STEAP1B: variants seen among roughly 807,000 people sequenced by gnomAD.
STEAP1B encodes STEAP family member 1B, also known as STEAP family protein MGC87042.
Under a neutral mutation model 27.9 loss-of-function variants are expected in STEAP1B, and 13 were observed. That is an observed-to-expected ratio of 0.47 (90% CI 0.30 to 0.74). The LOEUF is 0.74. Ranked by LOEUF, STEAP1B falls within the 30% of genes least tolerant of loss-of-function variation. The pLI is 0.06. For synonymous variants in STEAP1B, 86 were observed against 107.1 expected, an observed-to-expected ratio of 0.80 and a Z score of 1.22; for missense variants, 250 against 298.7, an observed-to-expected ratio of 0.84 and a Z score of 1.20.
At chr7:22,489,203 T>C (rs1459912141) in intron 4 of STEAP1B, among the ~76,000 whole-genome samples, 1 of 152,142 alleles carries the variant, frequency 6.6e-6, no homozygotes, top group Non-Finnish European at 1.5e-5. Context: ...GAGTCCTCAT[T>C]TACCTGGTAC....
intron 4 of STEAP1B, among the ~76,000 whole-genome samples, chr7:22,432,125 C>A (rs1785194938): frequency 6.6e-6 from 1 of 152,126 alleles, no homozygotes. Context: ...AGACCCCTCA[C>A]CCCTTCTGCC....
At chr7:22,456,970 A>ATTTTTTTTTTTTTTTTTT (rs1457986338) in intron 4 of STEAP1B, among the ~76,000 whole-genome samples, 2 of 26,160 alleles carry the variant, frequency 7.6e-5, no homozygotes, top group Non-Finnish European at 8.6e-5. Flanking sequence ...ATATATATAT[A>ATTTTTTTTTTTTTTTTTT]TATTTTTTTT....
chr7:22,429,332 T>C (rs1240012512), intron 4 of STEAP1B, among the ~76,000 whole-genome samples: 3 of 152,188 alleles, frequency 2.0e-5, no homozygotes, highest in South Asian at 2.1e-4. Flanking sequence ...GGAGATCACA[T>C]TTCACTGAAA....
At chr7:22,449,738 T>C (rs62447135) in intron 4 of STEAP1B, among the ~76,000 whole-genome samples, 4,511 of 152,324 alleles carry the variant, frequency 0.03, 93 homozygotes, top group Admixed American at 0.043. Flanking sequence ...TTCATAGTGG[T>C]TGTACTAATT....
chr7:22,437,871 T>C (rs1330578367), intron 4 of STEAP1B, among the ~76,000 whole-genome samples: 1 of 152,228 alleles, frequency 6.6e-6, no homozygotes, highest in Non-Finnish European at 1.5e-5. Flanking sequence ...TTATTGAGCA[T>C]ATTTTCATAT....
At chr7:22,449,439 C>T (rs574605849) in intron 4 of STEAP1B, among the ~76,000 whole-genome samples, 2 of 152,296 alleles carry the variant, frequency 1.3e-5, no homozygotes, top group South Asian at 2.1e-4. Flanking sequence ...ATATAATGAT[C>T]TCCAGTTACA....
intron 4 of STEAP1B, among the ~76,000 whole-genome samples, chr7:22,444,372 A>G (rs1282577103): frequency 6.6e-6 from 1 of 152,022 alleles, no homozygotes; most frequent in African/African-American, 2.4e-5. Flanking sequence ...CGTTACCCTG[A>G]CTTCAATCAC....
intron 4 of STEAP1B, among the ~76,000 whole-genome samples, chr7:22,459,680 T>A (rs1481273234): frequency 1.3e-5 from 2 of 152,234 alleles, no homozygotes; most frequent in Non-Finnish European, 2.9e-5. Context: ...GCCAGTATTA[T>A]GTTGGGCCAT....
chr7:22,472,370 G>A (rs1030471606), intron 4 of STEAP1B, among the ~76,000 whole-genome samples: 1 of 152,140 alleles, frequency 6.6e-6, no homozygotes, highest in Non-Finnish European at 1.5e-5. Flanking sequence ...AAGGCAGGCC[G>A]GACACTCCTT....
chr7:22,481,598 C>T (rs1193948205), intron 4 of STEAP1B, among the ~76,000 whole-genome samples: 1 of 152,188 alleles, frequency 6.6e-6, no homozygotes, highest in Non-Finnish European at 1.5e-5. Context: ...TTGGTTTGCA[C>T]ATTAGAGTTT....
intron 4 of STEAP1B, among the ~76,000 whole-genome samples, chr7:22,468,268 T>C (rs1785820324): frequency 6.6e-6 from 1 of 152,162 alleles, no homozygotes; most frequent in Non-Finnish European, 1.5e-5. Flanking sequence ...CTGAGTGCTT[T>C]ACACATATTG....
At chr7:22,455,835 C>T (rs1283885740) in intron 4 of STEAP1B, among the ~76,000 whole-genome samples, 3 of 152,148 alleles carry the variant, frequency 2.0e-5, no homozygotes, top group Admixed American at 6.5e-5. Context: ...AAAAGGCAAA[C>T]GAGTATTTCG....
intron 4 of STEAP1B, among the ~76,000 whole-genome samples, chr7:22,457,888 G>A (rs550449018): frequency 1.1e-4 from 17 of 152,298 alleles, no homozygotes; most frequent in Admixed American, 2.0e-4. Context: ...AATTATTGGC[G>A]TTACTCTGCA....
chr7:22,467,137 C>T (rs1176727312), intron 4 of STEAP1B, among the ~76,000 whole-genome samples: 1 of 152,140 alleles, frequency 6.6e-6, no homozygotes, highest in African/African-American at 2.4e-5. Context: ...TTATAAGATC[C>T]CTTTCTTGGT....
chr7:22,456,972 A>ATATTTTTTTTTTTTTTTT, intron 4 of STEAP1B, among the ~76,000 whole-genome samples: 8 of 57,074 alleles, frequency 1.4e-4, no homozygotes, highest in South Asian at 2.0e-3. Context: ...ATATATATAT[A>ATATTTTTTTTTTTTTTTT]TTTTTTTTTT....
chr7:22,419,878 G>A, intron 4 of STEAP1B, 42 bp from the exon 5 acceptor site: 1 of 1,539,972 alleles, frequency 6.5e-7, no homozygotes, highest in Non-Finnish European at 8.8e-7. Context: ...TATAGAAGTA[G>A]TGACTATCAC....
At chr7:22,478,687 G>A (rs1786015664) in intron 4 of STEAP1B, among the ~76,000 whole-genome samples, 2 of 152,182 alleles carry the variant, frequency 1.3e-5, no homozygotes, top group African/African-American at 4.8e-5. Flanking sequence ...CTTGGGGGGG[G>A]CTTGGACAGA....
intron 4 of STEAP1B, among the ~76,000 whole-genome samples, chr7:22,459,819 C>T (rs1785648071): frequency 6.6e-6 from 1 of 152,222 alleles, no homozygotes; most frequent in Admixed American, 6.5e-5. Context: ...CACCCCACAC[C>T]CTCAGTGAGC....
intron 4 of STEAP1B, among the ~76,000 whole-genome samples, chr7:22,443,643 T>C (rs1413471300): frequency 6.6e-6 from 1 of 152,208 alleles, no homozygotes; most frequent in East Asian, 1.9e-4. Context: ...CTTTGCACAC[T>C]GTACATAGTC....
Sources: allele counts gnomAD v4.1 joint callset (sites outside exome capture counted in the v4.1 genomes callset), GRCh38; gene constraint gnomAD v4.1.1; transcripts MANE v1.5; gene names NCBI Gene and HGNC (gene_info 2026-07-23, HGNC 2026-07-21).